The following PPP2R5C variants were observed in gnomAD, a reference collection of about 807,000 sequenced individuals.
PPP2R5C encodes serine/threonine-protein phosphatase 2A 56 kDa regulatory subunit gamma isoform.
In PPP2R5C, 7 loss-of-function variants were observed where a neutral mutation model predicts 68.9. The observed-to-expected ratio is 0.10, with a 90% CI of 0.06 to 0.19. The LOEUF (loss-of-function observed/expected upper bound fraction) is 0.19. PPP2R5C is among the 10% of genes least tolerant of loss of function. The probability of loss-of-function intolerance (pLI) is 1.00; values close to 1 mark genes in which losing one functional copy is unlikely to be tolerated. For missense variants in PPP2R5C, 348 were observed against 641.3 expected, an observed-to-expected ratio of 0.54 and a Z score of 4.94; for synonymous variants, 210 against 222.2, an observed-to-expected ratio of 0.95 and a Z score of 0.49.
Position 101,906,918 on chromosome 14 carries a change from G to A in PPP2R5C, c.1151+389G>A, listed in dbSNP as rs1378092727. Reference sequence around the variant, plus strand: ...AGCTCTGCTGACATGCACCCTGGATGAGCCCCTGTGTGAGACCCAAGAACC... The same window carrying A: ...AGCTCTGCTGACATGCACCCTGGATAAGCCCCTGTGTGAGACCCAAGAACC... On this transcript the variant is annotated intron_variant, in intron 10 of 13. Transcript: ENST00000334743. The surrounding 1 kb of genome is among the most constrained non-coding windows in gnomAD (Gnocchi z 4.0). Among the ~76,000 whole-genome samples the A allele has an allele frequency of 6.6e-6, 1 of 152,166 alleles. No homozygotes were observed. The highest frequency in any genetic ancestry group is 1.5e-5 in the Non-Finnish European group (1 of 68,032).
intron 1 of PPP2R5C, among the ~76,000 whole-genome samples, chr14:101,813,389 T>C (rs548044425): frequency 2.0e-4 from 30 of 152,360 alleles, no homozygotes; most frequent in African/African-American, 6.7e-4. Context: ...GGTGACAGGC[T>C]GGATTTGGCC....
At chr14:101,925,861 G>A (rs1265288496) in exon 14 of PPP2R5C, 2 of 152,628 alleles carry the variant, frequency 1.3e-5, no homozygotes, top group African/African-American at 4.8e-5. Flanking sequence ...TCACTTTGAT[G>A]AGTGACATGA....
chr14:101,909,786 A>G, intron 11 of PPP2R5C, 96 bp downstream of exon 13: 1 of 814,098 alleles, frequency 1.2e-6, no homozygotes, highest in East Asian at 2.8e-5. Flanking sequence ...GGTATTCTTC[A>G]CTCGAAAGCA....
chr14:101,809,804 G>C (rs2039242908), upstream of PPP2R5C: 1 of 1,344,114 alleles, frequency 7.4e-7, no homozygotes, highest in South Asian at 1.9e-5. Context: ...CAATCAGCGA[G>C]CTTCATGCCT....
At chr14:101,836,491 A>G in intron 1 of PPP2R5C, 1 of 631,958 alleles carries the variant, frequency 1.6e-6, no homozygotes, top group Non-Finnish European at 2.9e-6. Context: ...CTTATGTCTC[A>G]TGCCAGGATC....
intron 2 of PPP2R5C, chr14:101,765,411 A>C: frequency 1.6e-6 from 1 of 609,164 alleles, no homozygotes; most frequent in Non-Finnish European, 2.9e-6. Flanking sequence ...CTTCACTTCT[A>C]GTTCCACCCA....
rs1595477505 is a variant in PPP2R5C at position 101,888,310 on chromosome 14, G to A, written c.630-1927G>A. ...GTTTCGTAAATTAAAGCACCTCTCG[G>A]TGTAGACACACACAGACTGACTTCT... On this transcript the variant is annotated intron_variant, in intron 5 of 13. Transcript: ENST00000334743. This position sits in a 1 kb window ranked among gnomAD's most constrained non-coding sequence, Gnocchi z 5.6. Among the ~76,000 whole-genome samples the A allele has an allele frequency of 1.3e-5, 2 of 152,186 alleles. No homozygotes were observed. Among genetic ancestry groups the A allele is most frequent in the African/African-American group, 4.8e-5 (2 of 41,518 alleles).
chr14:101,849,501 T>C (rs2042023002), intron 1 of PPP2R5C, among the ~76,000 whole-genome samples: 1 of 142,812 alleles, frequency 7.0e-6, no homozygotes, highest in African/African-American at 2.6e-5. Flanking sequence ...ATTAAGACTT[T>C]TTCCTATTCT....
At position 101,853,079 on chromosome 14, in the gene PPP2R5C, C is replaced by T. The variant is rs1408911851; in HGVS notation, c.95-3607C>T. On this transcript the variant is annotated intron_variant, in intron 1 of 13. Coordinates refer to ENST00000334743, the Ensembl canonical transcript of PPP2R5C. ...CCACCTCCACCCATTTTTGTTTCCC[C>T]GTGGTACAGTCCTGTCAACGCAGCA... Among the ~76,000 whole-genome samples the T allele has an allele frequency of 2.0e-5, 3 of 151,866 alleles. 1 individual carries two copies. The highest frequency in any genetic ancestry group is 2.9e-5 in the Non-Finnish European group (2 of 67,986).
rs541262540 is a variant in PPP2R5C, at chr14:101,906,580, G to A, written c.1151+51G>A. The A allele has an allele frequency of 3.5e-5, 53 of 1,535,768 alleles. No homozygotes were observed. Among genetic ancestry groups the A allele is most frequent in the South Asian group, 3.4e-4 (28 of 81,986 alleles). ...TTTCAGTCATTTTAAAATATGGCAC[G>A]TTTTACTGCTACTTCAGTAAGAATA... On this transcript the variant is annotated intron_variant, in intron 10 of 13. Coordinates refer to ENST00000334743, the Ensembl canonical transcript of PPP2R5C. This position sits in a 1 kb window ranked among gnomAD's most constrained non-coding sequence, Gnocchi z 4.0.
intron 1 of PPP2R5C, among the ~76,000 whole-genome samples, chr14:101,847,261 T>G (rs765186180): frequency 6.6e-6 from 1 of 152,226 alleles, no homozygotes; most frequent in African/African-American, 2.4e-5. Context: ...GTAGGGTATA[T>G]AAATTATTAT....
chr14:101,865,962 G>A (rs1042550419), intron 2 of PPP2R5C, among the ~76,000 whole-genome samples: 7 of 152,136 alleles, frequency 4.6e-5, no homozygotes, highest in South Asian at 4.1e-4. Context: ...GTGCAGTGGC[G>A]TAATCTCGGC....
chr14:101,874,554 T>C (rs1219807071), intron 2 of PPP2R5C, among the ~76,000 whole-genome samples: 1 of 152,222 alleles, frequency 6.6e-6, no homozygotes, highest in Non-Finnish European at 1.5e-5. Flanking sequence ...TTATGAATTA[T>C]TTCTTATGTA....
intron 1 of PPP2R5C, among the ~76,000 whole-genome samples, chr14:101,827,060 C>T (rs1271683720): frequency 6.9e-6 from 1 of 145,318 alleles, no homozygotes; most frequent in African/African-American, 2.6e-5. Flanking sequence ...ACTGCAGCCT[C>T]TGCCTCCCAG....
intron 13 of PPP2R5C, among the ~76,000 whole-genome samples, chr14:101,918,927 A>G (rs1344129274): frequency 6.6e-6 from 1 of 151,954 alleles, no homozygotes; most frequent in African/African-American, 2.4e-5. Flanking sequence ...TTGACCAGCG[A>G]AAGAATTCCA....
At position 101,815,731 on chromosome 14, in the gene PPP2R5C, G is replaced by A. The variant is rs145490874; in HGVS notation, c.94+5695G>A. ...GTCACCCAGGCTGGGGTGCAGTGGC[G>A]TGATCTCGGCTCACTGCAACCTCTG... On this transcript the variant is annotated intron_variant, in intron 1 of 13. Transcript: ENST00000334743. Among the ~76,000 whole-genome samples the A allele has an allele frequency of 2.3e-3, 351 of 152,258 alleles. 3 individuals are homozygous for A. The highest frequency in any genetic ancestry group is 0.014 in the Middle Eastern group (4 of 294).
intron 2 of PPP2R5C, among the ~76,000 whole-genome samples, chr14:101,866,787 A>T (rs542373618): frequency 3.9e-5 from 6 of 152,334 alleles, no homozygotes; most frequent in South Asian, 2.1e-4. Flanking sequence ...TGTAATTTTT[A>T]AAAAAATTCA....
At chr14:101,761,036 G>A (rs991911309), upstream of PPP2R5C, among the ~76,000 whole-genome samples, 81 of 110,752 alleles carry the variant, frequency 7.3e-4, no homozygotes, top group African/African-American at 2.5e-3. Flanking sequence ...GGGTGGTCGA[G>A]GGGAGGGGAC....
chr14:101,844,494 G>A (rs1012948151), intron 1 of PPP2R5C, among the ~76,000 whole-genome samples: 2 of 152,162 alleles, frequency 1.3e-5, no homozygotes, highest in African/African-American at 2.4e-5. Context: ...CACACAGGCC[G>A]CATGCTCATT....
Sources: allele counts gnomAD v4.1 joint callset (sites outside exome capture counted in the v4.1 genomes callset), GRCh38; gene constraint gnomAD v4.1.1; non-coding constraint Gnocchi (gnomAD v3.1); transcripts MANE v1.5; gene names NCBI Gene and HGNC (gene_info 2026-07-23, HGNC 2026-07-21).